The following DNAJC18 variants were observed in gnomAD, a reference collection of about 807,000 sequenced individuals.
DNAJC18 encodes the protein dnaJ homolog subfamily C member 18.
A neutral mutation model predicts 48.6 loss-of-function variants in DNAJC18; 40 were observed. The observed-to-expected ratio is 0.82, with a 90% CI of 0.64 to 1.07. The LOEUF is 1.07. Among genes scored for constraint, DNAJC18 ranks in the 50% least tolerant of loss-of-function variants. DNAJC18 has a pLI of 0.00. For synonymous variants in DNAJC18, 135 were observed against 152.2 expected, an observed-to-expected ratio of 0.89 and a Z score of 0.83; for missense variants, 340 against 427.7, an observed-to-expected ratio of 0.79 and a Z score of 1.81.
At chr5:139,424,920 C>G in intron 5 of DNAJC18, 85 bp downstream of exon 5, 1 of 1,137,830 alleles carries the variant, frequency 8.8e-7, no homozygotes, top group Non-Finnish European at 1.3e-6. Flanking sequence ...ATCTCAGGTT[C>G]AACTTCTAAA....
Position 139,422,694 on chromosome 5 carries a change from A to G in DNAJC18, c.779+14T>C. The G allele has an allele frequency of 1.3e-6, 2 of 1,567,230 alleles. No individual in the cohort carries two copies. Among genetic ancestry groups the G allele is most frequent in the Non-Finnish European group, 1.7e-6 (2 of 1,147,220 alleles). On this transcript the variant is annotated intron_variant, in intron 6 of 7. Coordinates refer to ENST00000302060, the MANE Select transcript of DNAJC18 (RefSeq NM_152686.4). ...AGACTGTTACTGAGAAAGATTTAGA[A>G]ATACCAGACTTACGATTTATAGAAC...
rs546732789 is a variant in DNAJC18, at chr5:139,411,859, T to G, written c.*2289A>C. 6.6e-6 allele frequency: 1 copy of G among 152,332 alleles called. No homozygotes were observed. The highest frequency in any genetic ancestry group is 2.4e-5 in the African/African-American group (1 of 41,580). 9.4% of individuals were successfully genotyped at this position (152,332 alleles called of 1,614,324 possible). On this transcript the variant is annotated 3_prime_UTR_variant, in exon 8 of 8. Coordinates refer to ENST00000302060, the MANE Select transcript of DNAJC18 (RefSeq NM_152686.4). ...CTTTTAACCTGTCAAGTCAGTTTCATTATGGCCAATTTTCTAGCAGTGGTT... is the reference window on the plus strand; with the variant it reads ...CTTTTAACCTGTCAAGTCAGTTTCAGTATGGCCAATTTTCTAGCAGTGGTT...
intron 2 of DNAJC18, among the ~76,000 whole-genome samples, chr5:139,433,670 G>T (rs577893901): frequency 6.6e-6 from 1 of 152,130 alleles, no homozygotes; most frequent in Non-Finnish European, 1.5e-5. Context: ...GATTAATACT[G>T]CACCTGTATG....
rs1759008142 is a variant in DNAJC18, at chr5:139,412,440, T to A, written c.*1708A>T. ...CACACCTGGCTAATTTTTGTATTAT[T>A]AGTAGAGATGGGGTTTCACTGTGTT... On this transcript the variant is annotated 3_prime_UTR_variant, in exon 8 of 8. Coordinates refer to ENST00000302060, the MANE Select transcript of DNAJC18 (RefSeq NM_152686.4). 1 of 296,722 alleles carries A rather than the reference T, an allele frequency of 3.4e-6. No individual in the cohort carries two copies. Among genetic ancestry groups the A allele is most frequent in the African/African-American group, 2.2e-5 (1 of 46,172 alleles). 18.4% of individuals were successfully genotyped at this position (296,722 alleles called of 1,614,324 possible).
At chr5:139,419,159 TAAAA>T (rs1382205092) in intron 7 of DNAJC18, 13 of 450,086 alleles carry the variant, frequency 2.9e-5, no homozygotes, top group African/African-American at 2.6e-4. Flanking sequence ...AAACTTCAGT[TAAAA>T]GGGTACCTCC....
intron 7 of DNAJC18, among the ~76,000 whole-genome samples, chr5:139,416,926 C>T (rs1436516175): frequency 4.6e-5 from 7 of 152,320 alleles, no homozygotes; most frequent in South Asian, 2.1e-4. Flanking sequence ...TGGTGGCTCA[C>T]GCCTGTAATC....
intron 2 of DNAJC18, among the ~76,000 whole-genome samples, chr5:139,432,640 A>T (rs1759348459): frequency 6.6e-6 from 1 of 152,294 alleles, no homozygotes; most frequent in South Asian, 2.1e-4. Context: ...TTAATCCAAA[A>T]GAACTTTTTA....
chr5:139,415,386 C>T (rs762302702), intron 7 of DNAJC18, among the ~76,000 whole-genome samples: 3 of 152,156 alleles, frequency 2.0e-5, no homozygotes, highest in Non-Finnish European at 4.4e-5. Flanking sequence ...GCTATTTACC[C>T]CCAAGTAAGG....
chr5:139,436,515 C>CTTTTTTT (rs57926576), intron 2 of DNAJC18, among the ~76,000 whole-genome samples: 95 of 67,620 alleles, frequency 1.4e-3, no homozygotes, highest in Non-Finnish European at 1.9e-3. Flanking sequence ...ATCCCTCTTT[C>CTTTTTTT]TTTTTTTTTT....
At position 139,412,131 on chromosome 5, in the gene DNAJC18, C is replaced by T. The variant is rs1197715968; in HGVS notation, c.*2017G>A. ...AGCCACTAAAGCCCCCAATCTTTAC[C>T]TGTGAACCCATCTCCTGACTCTGTG... is the stretch of plus-strand genomic sequence containing the variant. On this transcript the variant is annotated 3_prime_UTR_variant, in exon 8 of 8. Transcript: ENST00000302060. 6.6e-6 allele frequency: 1 copy of T among 152,214 alleles called. No individual in the cohort carries two copies. Among genetic ancestry groups the T allele is most frequent in the Non-Finnish European group, 1.5e-5 (1 of 68,042 alleles). 9.4% of individuals were successfully genotyped at this position (152,214 alleles called of 1,614,324 possible). A position where few individuals can be genotyped will look rare whatever the true frequency, so the allele number is the denominator to read the frequency against.
intron 7 of DNAJC18, among the ~76,000 whole-genome samples, chr5:139,415,348 ACTGT>A (rs1393759606): frequency 3.9e-5 from 6 of 152,214 alleles, no homozygotes; most frequent in African/African-American, 1.4e-4. Context: ...AACACAAAAC[ACTGT>A]CTGGCATTTC....
chr5:139,426,916 TGCTGCATTGCC>T (rs1759254026), intron 3 of DNAJC18, among the ~76,000 whole-genome samples: 1 of 152,164 alleles, frequency 6.6e-6, no homozygotes, highest in Admixed American at 6.6e-5. Flanking sequence ...GATAGGGTCT[TGCTGCATTGCC>T]CAGACTAGTC....
At chr5:139,422,984 C>T (rs942736881) in intron 5 of DNAJC18, among the ~76,000 whole-genome samples, 167 bp from the exon 6 acceptor site, 26 of 151,778 alleles carry the variant, frequency 1.7e-4, no homozygotes, top group Non-Finnish European at 3.4e-4. Flanking sequence ...TACAGGCACC[C>T]GCCACCACGC....
chr5:139,414,085 G>C lies in DNAJC18; in HGVS notation c.*63C>G, dbSNP rs745411844. ...TTACCTAGTTTTGTATTATAAAATG[G>C]AATCAGGAACATAAATAGGAACAAG... On this transcript the variant is annotated 3_prime_UTR_variant, in exon 8 of 8. Coordinates refer to ENST00000302060, the MANE Select transcript of DNAJC18 (RefSeq NM_152686.4). 3.6e-5 allele frequency: 57 copies of C among 1,572,010 alleles called. No homozygotes were observed. The highest frequency in any genetic ancestry group is 4.9e-5 in the Non-Finnish European group (57 of 1,163,314).
Position 139,411,714 on chromosome 5 carries a change from G to A in DNAJC18, c.*2434C>T, listed in dbSNP as rs542558101. ...GGTGCTATAAAAACAGACAATCAGCGTGACATTTAATGGAGTTAGTTATTA... is the reference window on the plus strand; with the variant it reads ...GGTGCTATAAAAACAGACAATCAGCATGACATTTAATGGAGTTAGTTATTA... On this transcript the variant is annotated 3_prime_UTR_variant, in exon 8 of 8. Transcript: ENST00000302060. 9 of 152,286 alleles carry A rather than the reference G, an allele frequency of 5.9e-5. No homozygotes were observed. Among genetic ancestry groups the A allele is most frequent in the African/African-American group, 1.7e-4 (7 of 41,566 alleles). The allele number at this position is 152,286 out of a possible 1,614,324, so 9.4% of individuals were successfully genotyped here.
At chr5:139,415,634 G>A (rs1581412342) in intron 7 of DNAJC18, among the ~76,000 whole-genome samples, 1 of 152,196 alleles carries the variant, frequency 6.6e-6, no homozygotes, top group African/African-American at 2.4e-5. Flanking sequence ...GCGTCATGGA[G>A]GATCATGGGC....
At chr5:139,436,924 T>C (rs1750678419) in intron 2 of DNAJC18, among the ~76,000 whole-genome samples, 1 of 152,214 alleles carries the variant, frequency 6.6e-6, no homozygotes, top group South Asian at 2.1e-4. Context: ...GCTTGCTTAT[T>C]AGGAGCTTGT....
At chr5:139,416,842 CGAA>C (rs1561997491) in intron 7 of DNAJC18, among the ~76,000 whole-genome samples, 1 of 152,166 alleles carries the variant, frequency 6.6e-6, no homozygotes, top group Non-Finnish European at 1.5e-5. Flanking sequence ...GATGCAGCTG[CGAA>C]GAAGTAAACA....
At chr5:139,423,661 A>T (rs917869488) in intron 5 of DNAJC18, among the ~76,000 whole-genome samples, 1 of 151,864 alleles carries the variant, frequency 6.6e-6, no homozygotes, top group Non-Finnish European at 1.5e-5. Flanking sequence ...AAGTGTTAGG[A>T]TTACAGGTGT....
Sources: allele counts gnomAD v4.1 joint callset (sites outside exome capture counted in the v4.1 genomes callset), GRCh38; gene constraint gnomAD v4.1.1; transcripts MANE v1.5; gene names NCBI Gene and HGNC (gene_info 2026-07-23, HGNC 2026-07-21).